DTD1: variants seen among roughly 807,000 people sequenced by gnomAD.
DTD1 encodes D-tyrosyl-tRNA deacylase 1 homolog.
DTD1 carries 13 observed loss-of-function variants against 25.6 expected under a neutral mutation model. The observed-to-expected ratio is 0.51, with a 90% confidence interval of 0.33 to 0.81. DTD1 has a LOEUF of 0.81. DTD1 is among the 30% of genes least tolerant of loss of function. The pLI, the probability that DTD1 is intolerant of heterozygous loss-of-function variation, is 0.02. For missense variants in DTD1, 193 were observed against 266.4 expected (o/e 0.72, Z 1.92); for synonymous variants, 110 against 103.6 (o/e 1.06, Z -0.37).
At chr20:18,741,163 G>A (rs751306124) in intron 4 of DTD1, among the ~76,000 whole-genome samples, 35 of 152,216 alleles carry the variant, frequency 2.3e-4, no homozygotes, top group Non-Finnish European at 4.0e-4. Context: ...TACTTTCTCA[G>A]CATCTAACTT....
chr20:18,681,829 T>C (rs574610023), intron 4 of DTD1, among the ~76,000 whole-genome samples: 1 of 152,320 alleles, frequency 6.6e-6, no homozygotes, highest in East Asian at 1.9e-4. Context: ...TGGATCTACA[T>C]ATAGAACAGA....
chr20:18,663,397 A>C (rs757128260), intron 4 of DTD1, among the ~76,000 whole-genome samples: 1 of 152,188 alleles, frequency 6.6e-6, no homozygotes, highest in Non-Finnish European at 1.5e-5. Context: ...ACAGGTTATT[A>C]AGTACTTTGA....
At chr20:18,672,965 A>C (rs903778638) in intron 4 of DTD1, among the ~76,000 whole-genome samples, 2 of 152,190 alleles carry the variant, frequency 1.3e-5, no homozygotes, top group African/African-American at 4.8e-5. Flanking sequence ...CCTGTCGTCC[A>C]GCTGGGTTCT....
rs1202121239 is a variant in DTD1 at position 18,763,615 on chromosome 20, C to T, written c.*275C>T. 6.5e-6 allele frequency: 1 copy of T among 152,678 alleles called. No individual in the cohort carries two copies. The highest frequency in any genetic ancestry group is 2.4e-5 in the African/African-American group (1 of 41,448). The allele number at this position is 152,678 out of a possible 1,614,324, so 9.5% of individuals were successfully genotyped here. On this transcript the variant is annotated 3_prime_UTR_variant, in exon 6 of 6. Transcript: ENST00000377452. ...TAGAAGGTGTGCGCTCGTGCCTCCCCCACAGAAAGGCTTTGTTGGTTTCTA... is the reference window on the plus strand; with the variant it reads ...TAGAAGGTGTGCGCTCGTGCCTCCCTCACAGAAAGGCTTTGTTGGTTTCTA...
At chr20:18,630,131 T>A (rs1041981040) in intron 4 of DTD1, among the ~76,000 whole-genome samples, 2 of 146,966 alleles carry the variant, frequency 1.4e-5, no homozygotes, top group Non-Finnish European at 3.0e-5. Flanking sequence ...ATTAAAAAAA[T>A]CACAAATGAA....
chr20:18,589,213 C>T (rs1318255088), intron 1 of DTD1, among the ~76,000 whole-genome samples: 1 of 150,604 alleles, frequency 6.6e-6, no homozygotes, highest in Non-Finnish European at 1.5e-5. Context: ...TAGCCGGGAG[C>T]GGTGGTTGGT....
intron 4 of DTD1, among the ~76,000 whole-genome samples, chr20:18,721,772 C>T (rs2061204310): frequency 6.6e-6 from 1 of 151,716 alleles, no homozygotes; most frequent in Non-Finnish European, 1.5e-5. Flanking sequence ...ATATGTTCTA[C>T]AGACTGTGAA....
chr20:18,738,270 G>A (rs2061264496), intron 4 of DTD1, among the ~76,000 whole-genome samples: 1 of 152,196 alleles, frequency 6.6e-6, no homozygotes, highest in South Asian at 2.1e-4. Context: ...CCGCTAGCAG[G>A]CTGCAAAACC....
chr20:18,682,213 C>T (rs1052525658), intron 4 of DTD1, among the ~76,000 whole-genome samples: 8 of 152,200 alleles, frequency 5.3e-5, no homozygotes, highest in African/African-American at 1.9e-4. Context: ...TGCTCATCTC[C>T]TCCCATTTTA....
At chr20:18,757,125 C>G (rs984425968) in intron 5 of DTD1, among the ~76,000 whole-genome samples, 4 of 152,054 alleles carry the variant, frequency 2.6e-5, no homozygotes, top group African/African-American at 9.7e-5. Flanking sequence ...GATTTTGTAT[C>G]CTGAGACTTT....
chr20:18,627,253 A>G (rs1600328737), intron 3 of DTD1, among the ~76,000 whole-genome samples: 1 of 152,170 alleles, frequency 6.6e-6, no homozygotes, highest in Non-Finnish European at 1.5e-5. Flanking sequence ...CACTGGTAGG[A>G]AAGACTCAGA....
At chr20:18,647,439 G>T (rs1600341930) in intron 4 of DTD1, among the ~76,000 whole-genome samples, 1 of 152,252 alleles carries the variant, frequency 6.6e-6, no homozygotes, top group Middle Eastern at 3.4e-3. Flanking sequence ...GGGAGGTTTG[G>T]TGGGGGCTTG....
At chr20:18,625,874 C>CTG (rs1287847611) in intron 3 of DTD1, among the ~76,000 whole-genome samples, 2 of 152,218 alleles carry the variant, frequency 1.3e-5, no homozygotes, top group Non-Finnish European at 2.9e-5. Context: ...CTGAGGCTTA[C>CTG]TGTCTAGTGC....
At chr20:18,701,052 A>G (rs2061102684) in intron 4 of DTD1, among the ~76,000 whole-genome samples, 1 of 152,246 alleles carries the variant, frequency 6.6e-6, no homozygotes, top group African/African-American at 2.4e-5. Flanking sequence ...ATTTATTACA[A>G]AATGACAGGG....
intron 3 of DTD1, among the ~76,000 whole-genome samples, chr20:18,618,629 A>G (rs769715618): frequency 6.6e-6 from 1 of 150,410 alleles, no homozygotes; most frequent in Non-Finnish European, 1.5e-5. Context: ...ATGTATATGT[A>G]TATATAATTA....
chr20:18,752,138 G>A (rs940789367), intron 5 of DTD1, among the ~76,000 whole-genome samples: 11 of 151,666 alleles, frequency 7.3e-5, no homozygotes, highest in African/African-American at 1.9e-4. Flanking sequence ...TTGGTTTTCC[G>A]CAGTTTGGAT....
chr20:18,687,150 C>A (rs181203457), intron 4 of DTD1, among the ~76,000 whole-genome samples: 33 of 152,272 alleles, frequency 2.2e-4, no homozygotes, highest in Non-Finnish European at 3.8e-4. Context: ...TTTTAGGGAA[C>A]CATTTGAGTC....
intron 4 of DTD1, among the ~76,000 whole-genome samples, chr20:18,714,288 C>T (rs936633389): frequency 6.6e-6 from 1 of 152,146 alleles, no homozygotes; most frequent in Non-Finnish European, 1.5e-5. Context: ...CATTCCCAAC[C>T]ACTTGTGTGT....
At chr20:18,642,533 T>G (rs1334581234) in intron 4 of DTD1, among the ~76,000 whole-genome samples, 1 of 152,114 alleles carries the variant, frequency 6.6e-6, no homozygotes, top group Non-Finnish European at 1.5e-5. Flanking sequence ...CCTCCCAAAG[T>G]GCTGAGATTA....
Sources: allele counts gnomAD v4.1 joint callset (sites outside exome capture counted in the v4.1 genomes callset), GRCh38; gene constraint gnomAD v4.1.1; transcripts MANE v1.5; gene names NCBI Gene and HGNC (gene_info 2026-07-23, HGNC 2026-07-21).